The following ITSN1 variants were observed in gnomAD, a reference collection of about 807,000 sequenced individuals.
The protein encoded by ITSN1 is intersectin-1.
Under a neutral mutation model 239.8 loss-of-function variants are expected in ITSN1, and 58 were observed. That is an observed-to-expected ratio of 0.24 (90% CI 0.20 to 0.30). ITSN1 has a LOEUF of 0.30. Among genes scored for constraint, ITSN1 ranks in the 10% least tolerant of loss-of-function variants. ITSN1 has a pLI of 1.00. For synonymous variants in ITSN1, 780 were observed against 770.8 expected (o/e 1.01, Z -0.20); for missense variants, 1,558 against 2,103.3 (o/e 0.74, Z 5.07).
In ITSN1 at chr21:33,874,156, CA is replaced by C. The variant is rs778588764; in HGVS notation, c.4174-1176del. Among the ~76,000 whole-genome samples, 134 of 29,202 alleles carry C rather than the reference CA, an allele frequency of 4.6e-3. 1 individual carries two copies. Among genetic ancestry groups the C allele is most frequent in the East Asian group, 6.1e-3 (5 of 816 alleles). 19.2% of individuals were successfully genotyped at this position (29,202 alleles called of 152,430 possible). A position where few individuals can be genotyped will look rare whatever the true frequency, so the allele number is the denominator to read the frequency against. On this transcript the variant is annotated intron_variant, in intron 33 of 39. Coordinates refer to ENST00000381318, the MANE Select transcript of ITSN1 (RefSeq NM_003024.3). ...GGGCAACAAGAGCAAAACTCCGTCT[CA>C]AAAAAAAAAAAAAAAAAAAAAGAAC...
At chr21:33,809,879 C>T (rs1173184835) in intron 20 of ITSN1, among the ~76,000 whole-genome samples, 2 of 152,120 alleles carry the variant, frequency 1.3e-5, no homozygotes, top group South Asian at 2.1e-4. Context: ...CTGCAACCTC[C>T]GTCTCCTGGG....
chr21:33,745,463 C>T (rs2067123020), intron 5 of ITSN1, among the ~76,000 whole-genome samples: 1 of 152,198 alleles, frequency 6.6e-6, no homozygotes, highest in African/African-American at 2.4e-5. Context: ...ATAACCATTT[C>T]AGTGCTCTGG....
intron 20 of ITSN1, among the ~76,000 whole-genome samples, chr21:33,806,327 A>G (rs2072449124): frequency 1.3e-5 from 2 of 152,236 alleles, no homozygotes; most frequent in East Asian, 3.9e-4. Flanking sequence ...CATCCCATGC[A>G]GCCACTGTCA....
At position 33,782,831 on chromosome 21, in the gene ITSN1, C is replaced by T. The variant is rs530304493; in HGVS notation, c.1824+698C>T. Among the ~76,000 whole-genome samples the T allele has an allele frequency of 2.6e-5, 4 of 152,202 alleles. No individual in the cohort carries two copies. The East Asian group carries it at 7.7e-4, about 29-fold the overall frequency. ...ATGAGGTCAGGAGATCGAGACCATC[C>T]TGGCTAACACGGTGAAACCCCGTCT... On this transcript the variant is annotated intron_variant, in intron 16 of 39. Coordinates refer to ENST00000381318, the MANE Select transcript of ITSN1 (RefSeq NM_003024.3).
intron 5 of ITSN1, among the ~76,000 whole-genome samples, chr21:33,747,145 C>T (rs1182718455): frequency 3.3e-5 from 5 of 152,028 alleles, no homozygotes; most frequent in Admixed American, 3.3e-4. Flanking sequence ...CAGAGTGAGG[C>T]CTTGTCTCAA....
rs752478539 is a variant in ITSN1 at position 33,767,693 on chromosome 21, C to G, written c.927-20C>G. 4.8e-6 allele frequency: 7 copies of G among 1,445,820 alleles called. No individual in the cohort carries two copies. Among genetic ancestry groups the G allele is most frequent in the African/African-American group, 1.4e-5 (1 of 71,140 alleles). 89.6% of individuals were successfully genotyped at this position (1,445,820 alleles called of 1,614,324 possible). A position where few individuals can be genotyped will look rare whatever the true frequency, so the allele number is the denominator to read the frequency against. On this transcript the variant is annotated intron_variant, in intron 10 of 39. Coordinates refer to ENST00000381318, the MANE Select transcript of ITSN1 (RefSeq NM_003024.3). ...GACAGCTCTGTGTGAATCTATTTTT[C>G]TTTTTCCCCGCAATTGCAGAAGAGT...
At chr21:33,802,254 C>T (rs533450948) in intron 19 of ITSN1, among the ~76,000 whole-genome samples, 176 bp from the exon 20 acceptor site, 12 of 152,234 alleles carry the variant, frequency 7.9e-5, no homozygotes, top group African/African-American at 2.4e-4. Flanking sequence ...TGCTCTTTTT[C>T]GGGAACATAT....
At chr21:33,736,649 C>T (rs1050351214) in intron 5 of ITSN1, among the ~76,000 whole-genome samples, 7 of 152,206 alleles carry the variant, frequency 4.6e-5, no homozygotes, top group Non-Finnish European at 7.3e-5. Flanking sequence ...CTGAAGATCT[C>T]TGTAGCCAAT....
At chr21:33,774,137 G>T (rs1303299678) in intron 12 of ITSN1, among the ~76,000 whole-genome samples, 1 of 152,148 alleles carries the variant, frequency 6.6e-6, no homozygotes, top group Non-Finnish European at 1.5e-5. Context: ...AGGTGTAGTT[G>T]GATGACCCAT....
chr21:33,802,273 C>T (rs1413415797), intron 19 of ITSN1, among the ~76,000 whole-genome samples, 157 bp from the exon 20 acceptor site: 1 of 152,192 alleles, frequency 6.6e-6, no homozygotes, highest in Non-Finnish European at 1.5e-5. Context: ...ATCTGGGCTT[C>T]ACTTGTAATC....
chr21:33,872,963 A>G (rs1569327727), intron 33 of ITSN1, among the ~76,000 whole-genome samples: 1 of 152,222 alleles, frequency 6.6e-6, no homozygotes, highest in Non-Finnish European at 1.5e-5. Context: ...AATTTACTCA[A>G]GCCAGCTGGG....
At chr21:33,774,675 A>G in intron 12 of ITSN1, 54 bp from the exon 13 acceptor site, 1 of 1,539,626 alleles carries the variant, frequency 6.5e-7, no homozygotes, top group Non-Finnish European at 8.8e-7. Context: ...GTGAAAAGAC[A>G]TTGTGTAGTG....
intron 14 of ITSN1, among the ~76,000 whole-genome samples, chr21:33,780,558 G>A (rs187048850): frequency 2.6e-5 from 4 of 152,118 alleles, no homozygotes; most frequent in Admixed American, 2.6e-4. Flanking sequence ...ATTACACAGA[G>A]ATTTATTCCA....
chr21:33,772,960 C>A (rs778878409), intron 12 of ITSN1, among the ~76,000 whole-genome samples: 2 of 150,658 alleles, frequency 1.3e-5, no homozygotes, highest in Non-Finnish European at 2.9e-5. Flanking sequence ...TTAAAAACCA[C>A]TGTAATAGTA....
chr21:33,868,609 G>C lies in ITSN1; in HGVS notation c.4173+1278G>C, dbSNP rs551608308. On this transcript the variant is annotated intron_variant, in intron 33 of 39. Transcript: ENST00000381318. ...GCCAGCAGGGCCGGCCGGCTGCTCC[G>C]AGTGCGGGGCACGCCAAGCCCACGC... 3.4e-3 allele frequency among the ~76,000 whole-genome samples: 518 copies of C among 152,322 alleles called. 3 individuals are homozygous for C. The highest frequency in any genetic ancestry group is 0.014 in the Middle Eastern group (4 of 292).
chr21:33,885,498 G>A lies in ITSN1; in HGVS notation c.4819G>A (p.Glu1607Lys), dbSNP rs372197768. 19 of 1,613,952 alleles carry A rather than the reference G, an allele frequency of 1.2e-5. No homozygotes were observed. The highest frequency in any genetic ancestry group is 1.4e-5 in the Non-Finnish European group (17 of 1,180,000). Reference protein sequence around the residue: ...RLMVNVVEGIELKPCRSHGKS... With the variant: ...RLMVNVVEGIKLKPCRSHGKS... ...GATGGTGAACGTGGTTGAAGGCATC[G>A]AGTTGAAACCCTGTCGGTCACATGG... Residue 1607 changes from glutamate to lysine, a missense_variant, in exon 38 of 40, where the codon GAG (glutamate) becomes AAG (lysine). By Grantham distance (56) the Glu-to-Lys change is moderately conservative. Coordinates refer to ENST00000381318, the MANE Select transcript of ITSN1 (RefSeq NM_003024.3).
chr21:33,667,582 A>G (rs1348481731), intron 1 of ITSN1, among the ~76,000 whole-genome samples: 1 of 152,154 alleles, frequency 6.6e-6, no homozygotes, highest in Admixed American at 6.5e-5. Flanking sequence ...GATGTCTGGT[A>G]TTGATTAAAT....
At chr21:33,837,017 C>T (rs758935730) in intron 29 of ITSN1, 1 of 1,613,480 alleles carries the variant, frequency 6.2e-7, no homozygotes, top group South Asian at 1.1e-5. Context: ...CCCCCTCAGG[C>T]TTGAAAGTCC....
At chr21:33,704,998 C>A (rs1431484929) in intron 1 of ITSN1, among the ~76,000 whole-genome samples, 1 of 148,734 alleles carries the variant, frequency 6.7e-6, no homozygotes, top group Admixed American at 6.7e-5. Flanking sequence ...GTAGTCCCAG[C>A]TACTTGGGAG....
Sources: gnomAD v4.1 joint callset for allele counts (sites outside exome capture counted in the v4.1 genomes callset) on GRCh38, gnomAD v4.1.1 for gene constraint, MANE v1.5 for transcripts, NCBI Gene and HGNC (gene_info 2026-07-23, HGNC 2026-07-21) for gene names.